Variants in PLEKHG1 observed in about 807,000 individuals in gnomAD.
PLEKHG1 encodes the protein pleckstrin homology and RhoGEF domain containing G1, also known as pleckstrin homology domain-containing family G member 1.
PLEKHG1 carries 44 observed loss-of-function variants against 100.8 expected under a neutral mutation model. The observed-to-expected ratio is 0.44, with a 90% CI of 0.34 to 0.56. The LOEUF is 0.56. Among genes scored for constraint, PLEKHG1 ranks in the 20% least tolerant of loss-of-function variants. The probability of loss-of-function intolerance (pLI) is 0.01; values close to 1 mark genes in which losing one functional copy is unlikely to be tolerated. For synonymous variants in PLEKHG1, 640 were observed against 662.5 expected, an observed-to-expected ratio of 0.97 and a Z score of 0.52; for missense variants, 1,545 against 1,720.9, an observed-to-expected ratio of 0.90 and a Z score of 1.81.
chr6:150,637,243 T>A (rs1240819671), intron 1 of PLEKHG1, among the ~76,000 whole-genome samples: 1 of 152,232 alleles, frequency 6.6e-6, no homozygotes, highest in Non-Finnish European at 1.5e-5. Flanking sequence ...TAGAATTAGA[T>A]CCATAGAGAA....
At position 150,727,516 on chromosome 6, in the gene PLEKHG1, T is replaced by A. The variant is rs558128133; in HGVS notation, c.-98-6068T>A. Among the ~76,000 whole-genome samples, 6 of 152,112 alleles carry A rather than the reference T, an allele frequency of 3.9e-5. No homozygotes were observed. In the East Asian group the frequency reaches 1.2e-3, roughly 29 times the overall value. On this transcript the variant is annotated intron_variant, in intron 1 of 15. Coordinates refer to ENST00000358517, the Ensembl canonical transcript of PLEKHG1. ...TTCCAATGTTTTCACCCAGAAAAAA[T>A]TAGAGGGATTTGTCATGAAGTAAAA...
chr6:150,605,816 G>T (rs1776577481), intron 1 of PLEKHG1: 1 of 152,134 alleles, frequency 6.6e-6, no homozygotes, highest in African/African-American at 2.4e-5. Context: ...CACAAAGAAA[G>T]AAAAACTACT....
intron 2 of PLEKHG1, among the ~76,000 whole-genome samples, chr6:150,754,057 T>G (rs570676299): frequency 1.2e-4 from 19 of 152,276 alleles, no homozygotes; most frequent in African/African-American, 3.8e-4. Context: ...ACAAAGATAT[T>G]TTTATAGCAC....
intron 3 of PLEKHG1, among the ~76,000 whole-genome samples, chr6:150,771,912 A>G (rs1784732181): frequency 1.3e-5 from 2 of 152,232 alleles, no homozygotes; most frequent in South Asian, 4.1e-4. Context: ...ACATTCTGTC[A>G]AAGAGTCAGG....
At chr6:150,837,120 C>G (rs1021844584) in intron 15 of PLEKHG1, among the ~76,000 whole-genome samples, 8 of 152,022 alleles carry the variant, frequency 5.3e-5, no homozygotes, top group African/African-American at 1.7e-4. Flanking sequence ...CAAGATCCTG[C>G]CACTGCACTC....
At chr6:150,658,848 T>C (rs1779071639) in intron 3 of PLEKHG1, among the ~76,000 whole-genome samples, 1 of 152,212 alleles carries the variant, frequency 6.6e-6, no homozygotes, top group Non-Finnish European at 1.5e-5. Flanking sequence ...TTCTACTGCC[T>C]TCAGAAAGCA....
intron 2 of PLEKHG1, among the ~76,000 whole-genome samples, chr6:150,742,564 CAAAAAAAAAAAAAA>C (rs58003146): frequency 4.1e-5 from 2 of 48,354 alleles, no homozygotes; most frequent in African/African-American, 8.5e-5. Context: ...GACTCCATCT[CAAAAAAAAAAAAAA>C]AAAAAAAAAA....
At chr6:150,672,871 G>A (rs994724611) in intron 3 of PLEKHG1, among the ~76,000 whole-genome samples, 2 of 152,196 alleles carry the variant, frequency 1.3e-5, no homozygotes, top group African/African-American at 4.8e-5. Flanking sequence ...CTTTTGAGCA[G>A]AATGAAATAA....
chr6:150,649,108 A>T (rs1398821425), intron 2 of PLEKHG1, among the ~76,000 whole-genome samples: 1 of 152,106 alleles, frequency 6.6e-6, no homozygotes, highest in African/African-American at 2.4e-5. Context: ...CTGAGCTTAA[A>T]CATTTAATTT....
chr6:150,633,782 T>G (rs1456977689), intron 1 of PLEKHG1, among the ~76,000 whole-genome samples: 1 of 152,122 alleles, frequency 6.6e-6, no homozygotes, highest in Non-Finnish European at 1.5e-5. Flanking sequence ...TTGTTAGGAA[T>G]GATCCATTGT....
exon 2 of PLEKHG1, chr6:150,733,780 C>T: frequency 6.2e-7 from 1 of 1,614,160 alleles, no homozygotes; most frequent in Non-Finnish European, 8.5e-7. Flanking sequence ...GCAGAATGAC[C>T]TTAGTTTCAA....
At chr6:150,789,478 A>T (rs1291068551) in intron 4 of PLEKHG1, among the ~76,000 whole-genome samples, 1 of 152,222 alleles carries the variant, frequency 6.6e-6, no homozygotes, top group Non-Finnish European at 1.5e-5. Flanking sequence ...TAACTGATTT[A>T]AATCACAGCC....
intron 2 of PLEKHG1, among the ~76,000 whole-genome samples, chr6:150,739,685 C>CA (rs760527682): frequency 8.0e-4 from 121 of 150,610 alleles, no homozygotes; most frequent in Middle Eastern, 3.4e-3. Flanking sequence ...AACAAAAAAA[C>CA]AAAAAAAACC....
chr6:150,826,785 G>C (rs1245476382), intron 14 of PLEKHG1, among the ~76,000 whole-genome samples: 3 of 151,968 alleles, frequency 2.0e-5, no homozygotes, highest in Non-Finnish European at 4.4e-5. Flanking sequence ...CTGGACTACA[G>C]TCATGCGCCA....
chr6:150,769,952 C>T (rs1317813798), intron 3 of PLEKHG1, among the ~76,000 whole-genome samples: 2 of 152,124 alleles, frequency 1.3e-5, no homozygotes, highest in Non-Finnish European at 2.9e-5. Flanking sequence ...GGACAGGAGT[C>T]TGTTTTGTTA....
intron 1 of PLEKHG1, among the ~76,000 whole-genome samples, chr6:150,725,505 T>C (rs1004847236): frequency 1.3e-5 from 2 of 152,228 alleles, no homozygotes; most frequent in Admixed American, 1.3e-4. Flanking sequence ...AAATATCTTT[T>C]CTCATTCTTG....
At chr6:150,618,553 A>G (rs77657077) in intron 1 of PLEKHG1, among the ~76,000 whole-genome samples, 1,589 of 152,342 alleles carry the variant, frequency 0.01, 7 homozygotes, top group Middle Eastern at 0.02. Flanking sequence ...TAGTATCTCT[A>G]CCACATAGAT....
At chr6:150,751,039 G>A (rs919362254) in intron 2 of PLEKHG1, among the ~76,000 whole-genome samples, 2 of 152,132 alleles carry the variant, frequency 1.3e-5, no homozygotes, top group African/African-American at 2.4e-5. Context: ...GGTATAGTAA[G>A]CATTCAAATG....
At position 150,831,161 on chromosome 6, in the gene PLEKHG1, T is replaced by G. The variant is rs1418531160; in HGVS notation, c.2050T>G (p.Ser684Ala). The change falls in exon 15 of 16, where the codon TCT becomes GCT. Residue 684 changes from serine (S) to alanine (A), a missense_variant. Coordinates refer to ENST00000358517, the Ensembl canonical transcript of PLEKHG1. The surrounding 1 kb of genome is among the most constrained non-coding windows in gnomAD (Gnocchi z 4.1). ...GCGGGAAGAAGCTGAATCCACTCCC[T>G]CTAAATCAGCCAGGGACTCCGTTCG... is the stretch of plus-strand genomic sequence containing the variant. 1.2e-6 allele frequency: 2 copies of G among 1,613,978 alleles called. No homozygotes were observed. The highest frequency in any genetic ancestry group is 3.3e-5 in the Admixed American group (2 of 60,008).
Sources: allele counts gnomAD v4.1 joint callset (sites outside exome capture counted in the v4.1 genomes callset), GRCh38; gene constraint gnomAD v4.1.1; non-coding constraint Gnocchi (gnomAD v3.1); transcripts MANE v1.5; gene names NCBI Gene and HGNC (gene_info 2026-07-23, HGNC 2026-07-21).